Variants in ZNF821 observed in about 807,000 individuals in gnomAD.
ZNF821 encodes the protein zinc finger protein 821.
In ZNF821, 16 loss-of-function variants were observed where a neutral mutation model predicts 44.3. The observed-to-expected ratio is 0.36, with a 90% CI of 0.24 to 0.55. The LOEUF is 0.55. ZNF821 is among the 20% of genes least tolerant of loss of function. ZNF821 has a pLI of 0.86. For missense variants in ZNF821, 436 were observed against 547.6 expected, an observed-to-expected ratio of 0.80 and a Z score of 2.03; for synonymous variants, 204 against 197.6, an observed-to-expected ratio of 1.03 and a Z score of -0.27.
chr16:71,878,925 A>G (rs1441582234), intron 3 of ZNF821, among the ~76,000 whole-genome samples: 2 of 147,960 alleles, frequency 1.4e-5, no homozygotes, highest in Admixed American at 6.7e-5. Context: ...CTCTGTCTCA[A>G]AAAAAAAAAA....
chr16:71,881,581 T>G (rs1383952338), intron 2 of ZNF821: 1 of 152,254 alleles, frequency 6.6e-6, no homozygotes, highest in Non-Finnish European at 1.5e-5. Flanking sequence ...AGTAGTTGTT[T>G]TATTCACGGA....
chr16:71,864,786 C>T, intron 5 of ZNF821, 117 bp downstream of exon 5: 3 of 1,313,584 alleles, frequency 2.3e-6, no homozygotes, highest in Non-Finnish European at 3.2e-6. Flanking sequence ...AAGAGGCCTC[C>T]CATGCAGGCC....
intron 4 of ZNF821, among the ~76,000 whole-genome samples, chr16:71,867,120 G>A (rs930611774): frequency 7.2e-5 from 11 of 152,176 alleles, no homozygotes; most frequent in African/African-American, 2.2e-4. Flanking sequence ...AGACCTTGAC[G>A]TTAGCATTTT....
chr16:71,884,043 G>A lies in ZNF821; in HGVS notation c.-276C>T, dbSNP rs1024161876. 3 of 152,278 alleles carry A rather than the reference G, an allele frequency of 2.0e-5. No individual in the cohort carries two copies. Among genetic ancestry groups the A allele is most frequent in the African/African-American group, 7.2e-5 (3 of 41,540 alleles). The allele number at this position is 152,278 out of a possible 1,614,324, so 9.4% of individuals were successfully genotyped here. ...GCTCCGGGACTGGGCCCCGGCGAGC[G>A]GAAGGGGCTCCGGGCCGAGCCGAGC... On this transcript the variant is annotated 5_prime_UTR_variant, in exon 1 of 8. Transcript: ENST00000425432.
rs112017228 is a variant in ZNF821 at position 71,869,971 on chromosome 16, G to C, written c.41-1934C>G. Among the ~76,000 whole-genome samples the C allele has an allele frequency of 7.0e-3, 1,073 of 152,256 alleles. 18 individuals carry two copies. Among genetic ancestry groups the C allele is most frequent in the African/African-American group, 0.023 (954 of 41,538 alleles). Reference sequence around the variant, plus strand: ...TATTCCTTAACTGCCTTCTAATAGAGATGTAATTAGAAGGTTAGAAGCTTC... The same window carrying C: ...TATTCCTTAACTGCCTTCTAATAGACATGTAATTAGAAGGTTAGAAGCTTC... On this transcript the variant is annotated intron_variant, in intron 3 of 7. Coordinates refer to ENST00000425432, the MANE Select transcript of ZNF821 (RefSeq NM_001201552.2).
At chr16:71,890,198 A>G (rs2036877623) in intron 1 of ZNF821, among the ~76,000 whole-genome samples, 1 of 152,036 alleles carries the variant, frequency 6.6e-6, no homozygotes, top group South Asian at 2.1e-4. Context: ...CTTTAGGAAG[A>G]TGTCCAGAGC....
At chr16:71,893,745 C>T (rs564540922) in intron 1 of ZNF821, among the ~76,000 whole-genome samples, 3 of 151,896 alleles carry the variant, frequency 2.0e-5, no homozygotes, top group Non-Finnish European at 4.4e-5. Context: ...AGGCATAAGC[C>T]ACCATGCCCA....
intron 1 of ZNF821, chr16:71,894,560 C>G: frequency 3.5e-4 from 93 of 264,430 alleles, no homozygotes; most frequent in East Asian, 4.9e-4. Context: ...TTCTTTTTTT[C>G]TGTAGCCTAG....
chr16:71,864,058 A>G, intron 6 of ZNF821, 80 bp downstream of exon 6: 1 of 1,300,834 alleles, frequency 7.7e-7, no homozygotes, highest in Non-Finnish European at 1.1e-6. Flanking sequence ...CCAGAGAGAG[A>G]CAAAGGCCAA....
At chr16:71,874,999 T>G (rs941280879) in intron 3 of ZNF821, among the ~76,000 whole-genome samples, 1 of 152,184 alleles carries the variant, frequency 6.6e-6, no homozygotes, top group Non-Finnish European at 1.5e-5. Flanking sequence ...TCTTTTTTAG[T>G]CAAGCTTAGT....
chr16:71,865,136 G>C, intron 4 of ZNF821, 88 bp from the exon 5 acceptor site: 1 of 1,519,512 alleles, frequency 6.6e-7, no homozygotes. Flanking sequence ...AGTTACAATA[G>C]AAAACATTTT....
rs147116533 is a variant in ZNF821, at chr16:71,860,524, G to A, written c.733C>T (p.Arg245Cys). 202 of 1,614,006 alleles carry A rather than the reference G, an allele frequency of 1.3e-4. No homozygotes were observed. The South Asian group carries it at 1.8e-3, about 14-fold the overall frequency. ...GGAGTCTGGGCTTCCAGCAGTTTAC[G>A]GTAGGCAGCACAGTTGTTGCACACA... ...LLVCNNCAAY[R>C]KLLEAQTPSV... Residue 245 changes from arginine to cysteine, a missense_variant, in exon 8 of 8, where the codon CGT becomes TGT. Arg to Cys is a radical substitution (Grantham distance 180). Around this residue, in one of 5 missense-constraint regions of ZNF821, gnomAD observed 68 missense variants for 57.0 expected, o/e 1.19. Coordinates refer to ENST00000425432, the MANE Select transcript of ZNF821 (RefSeq NM_001201552.2). The surrounding 1 kb of genome is among the most constrained non-coding windows in gnomAD (Gnocchi z 7.3).
rs1752435760 is a variant in ZNF821, at chr16:71,883,285, G to C, written c.-140-12C>G. On this transcript the variant is annotated splice_polypyrimidine_tract_variant and intron_variant, in intron 1 of 7. Transcript: ENST00000425432. ...CAAGTGATCTGTATCTGCCAAAAAG[G>C]AGAGGACAAGAAAGCTGGTCACTTA... The C allele has an allele frequency of 9.0e-6, 4 of 446,412 alleles. No homozygotes were observed. In the East Asian group the frequency reaches 2.8e-4, roughly 31 times the overall value. 27.7% of individuals were successfully genotyped at this position (446,412 alleles called of 1,614,324 possible).
chr16:71,862,825 T>G lies in ZNF821; in HGVS notation c.418-883A>C, dbSNP rs184489351. On this transcript the variant is annotated intron_variant, in intron 6 of 7. Transcript: ENST00000425432. Reference sequence around the variant, plus strand: ...CAGGTGCCCTGTGATTGGATCATGGTAAAAAGAACACAAAAGTCTGGTATT... The same window carrying G: ...CAGGTGCCCTGTGATTGGATCATGGGAAAAAGAACACAAAAGTCTGGTATT... Among the ~76,000 whole-genome samples the G allele has an allele frequency of 8.3e-3, 1,266 of 152,290 alleles. 7 individuals carry two copies. The highest frequency in any genetic ancestry group is 0.014 in the Non-Finnish European group (925 of 68,024).
At chr16:71,887,689 T>C (rs2036866663), upstream of ZNF821, among the ~76,000 whole-genome samples, 1 of 152,230 alleles carries the variant, frequency 6.6e-6, no homozygotes, top group South Asian at 2.1e-4. Flanking sequence ...TTATTGTTTG[T>C]CTTTGACATT....
In ZNF821 at chr16:71,864,183, C is replaced by T. The variant is rs746524335; in HGVS notation, c.372G>A (p.Gln124=). Residue 124 remains glutamine (Q), a synonymous_variant, in exon 6 of 8, where the codon CAG becomes CAA. Transcript: ENST00000425432. ...LLELCQCPLC[Q]LDCGSREQLI... is the part of the protein sequence containing the mutation. ...ACTGCTCCCGGCTCCCGCAGTCTAG[C>T]TGGCAGAGGGGACACTGGCAGAGTT... 3 of 1,614,238 alleles carry T rather than the reference C, an allele frequency of 1.9e-6. No homozygotes were observed. The highest frequency in any genetic ancestry group is 2.5e-6 in the Non-Finnish European group (3 of 1,180,038).
At chr16:71,878,617 G>A (rs1349462047) in intron 3 of ZNF821, among the ~76,000 whole-genome samples, 1 of 151,976 alleles carries the variant, frequency 6.6e-6, no homozygotes, top group African/African-American at 2.4e-5. Flanking sequence ...CCTTCTAGAA[G>A]TTTACTATGC....
chr16:71,883,034 G>C (rs1466923085), intron 2 of ZNF821, 177 bp downstream of exon 2: 2 of 446,076 alleles, frequency 4.5e-6, no homozygotes, highest in Non-Finnish European at 4.5e-6. Flanking sequence ...AAGGAAAGCA[G>C]TTCTGTCTGT....
At chr16:71,869,224 T>C (rs929322769) in intron 3 of ZNF821, among the ~76,000 whole-genome samples, 2 of 152,188 alleles carry the variant, frequency 1.3e-5, no homozygotes, top group Admixed American at 6.6e-5. Flanking sequence ...TAGTGAAATG[T>C]CTGACAATAG....
Sources: gnomAD v4.1 joint callset for allele counts (sites outside exome capture counted in the v4.1 genomes callset) on GRCh38, gnomAD v4.1.1 for gene constraint, gnomAD v4.1.1 regional missense constraint, Gnocchi (gnomAD v3.1) non-coding constraint, MANE v1.5 for transcripts, NCBI Gene and HGNC (gene_info 2026-07-23, HGNC 2026-07-21) for gene names.